NEIL1: variants seen among roughly 807,000 people sequenced by gnomAD.
NEIL1 encodes the protein endonuclease 8-like 1.
Under a neutral mutation model 44.2 loss-of-function variants are expected in NEIL1, and 31 were observed. The observed-to-expected ratio is 0.70, with a 90% CI of 0.53 to 0.95. The LOEUF is 0.95. Ranked by LOEUF, NEIL1 falls within the 40% of genes least tolerant of loss-of-function variation. The pLI is 0.00. For missense variants in NEIL1, 549 were observed against 515.5 expected (o/e 1.07, Z -0.63); for synonymous variants, 254 against 209.7 (o/e 1.21, Z -1.83).
At chr15:75,354,602 C>T (rs780675217) in intron 8 of NEIL1, 51 bp from the exon 9 acceptor site, 2 of 1,613,470 alleles carry the variant, frequency 1.2e-6, no homozygotes, top group East Asian at 2.2e-5. Flanking sequence ...CCCTAACCAA[C>T]CTCTGAACTG....
In NEIL1 at chr15:75,356,187, GACC is replaced by G. The variant is rs771585209; in HGVS notation, c.*1155_*1157del. ...TGCCGTGGGCCTCATACAGCCTCAGGACCAGCGAGCGGCGCTGGGGGCTGCTCT... is the reference window on the plus strand; with the variant it reads ...TGCCGTGGGCCTCATACAGCCTCAGGAGCGAGCGGCGCTGGGGGCTGCTCT... On this transcript the variant is annotated 3_prime_UTR_variant, in exon 10 of 10. Transcript: ENST00000355059. This position sits in a 1 kb window ranked among gnomAD's most constrained non-coding sequence, Gnocchi z 5.8. 1 of 1,613,500 alleles carries G rather than the reference GACC, an allele frequency of 6.2e-7. No individual in the cohort carries two copies. Among genetic ancestry groups the G allele is most frequent in the Admixed American group, 1.7e-5 (1 of 60,002 alleles).
chr15:75,356,099 C>T lies in NEIL1; in HGVS notation c.*1065C>T. The stretch of plus-strand genomic sequence containing the variant: ...ACTCGACCCCCGCCCCAATCCCACA[C>T]CGCCACTCACAGGATGGCCTCCTGA... On this transcript the variant is annotated 3_prime_UTR_variant, in exon 10 of 10. Transcript: ENST00000355059. The surrounding 1 kb of genome is among the most constrained non-coding windows in gnomAD (Gnocchi z 5.8). 1 of 1,613,878 alleles carries T rather than the reference C, an allele frequency of 6.2e-7. No individual in the cohort carries two copies. The highest frequency in any genetic ancestry group is 8.5e-7 in the Non-Finnish European group (1 of 1,179,948).
intron 1 of NEIL1, chr15:75,347,823 C>T (rs1383118508): frequency 1.7e-6 from 2 of 1,158,056 alleles, no homozygotes; most frequent in African/African-American, 3.2e-5. Context: ...CGCCGCTCCT[C>T]CCCAAAACTA....
chr15:75,350,503 G>C (rs531365396), intron 2 of NEIL1, among the ~76,000 whole-genome samples: 1 of 152,274 alleles, frequency 6.6e-6, no homozygotes, highest in South Asian at 2.1e-4. Flanking sequence ...GAAGGCATTG[G>C]AACTGGCAAG....
rs765755581 is a variant in NEIL1, at chr15:75,352,605, C to T, written c.622C>T (p.Pro208Ser). Residue 208 changes from proline (P) to serine (S), a missense_variant, in exon 5 of 10, where the codon CCG becomes TCG. Coordinates refer to ENST00000355059, the MANE Select transcript of NEIL1 (RefSeq NM_024608.4). ...CCTGCCCCTGCCCCTTCCTCAGAGC[C>T]CGGAGCTGACCCTGAGCCAGAAGAT... is the stretch of plus-strand genomic sequence containing the variant. ...LEALQQHRPSPELTLSQKIRT... is the reference protein window; with the variant it reads ...LEALQQHRPSSELTLSQKIRT... 7.9e-5 allele frequency: 128 copies of T among 1,612,694 alleles called. No individual in the cohort carries two copies. Among genetic ancestry groups the T allele is most frequent in the Non-Finnish European group, 1.1e-4 (124 of 1,179,484 alleles).
intron 1 of NEIL1, 162 bp from the exon 2 acceptor site, chr15:75,348,722 G>C (rs1038482926): frequency 6.9e-5 from 99 of 1,435,314 alleles, no homozygotes; most frequent in Non-Finnish European, 9.0e-5. Context: ...GCACCTGTCC[G>C]GGTAGGGGAT....
rs202029676 is a variant in NEIL1 at position 75,356,818 on chromosome 15, G to A, written c.*1784G>A. The A allele has an allele frequency of 1.4e-5, 22 of 1,614,042 alleles. No homozygotes were observed. Among genetic ancestry groups the A allele is most frequent in the East Asian group, 1.3e-4 (6 of 44,876 alleles). Reference sequence around the variant, plus strand: ...AGCGAGAGGCTGAGGATGCTGCCTCGCACTGACGCGCCATACTTGCAGTCG... The same window carrying A: ...AGCGAGAGGCTGAGGATGCTGCCTCACACTGACGCGCCATACTTGCAGTCG... On this transcript the variant is annotated 3_prime_UTR_variant, in exon 10 of 10. Coordinates refer to ENST00000355059, the MANE Select transcript of NEIL1 (RefSeq NM_024608.4). The surrounding 1 kb of genome is among the most constrained non-coding windows in gnomAD (Gnocchi z 5.8).
intron 5 of NEIL1, 85 bp from the exon 6 acceptor site, chr15:75,353,654 A>T (rs764080703): frequency 7.1e-7 from 1 of 1,407,760 alleles, no homozygotes; most frequent in Non-Finnish European, 1.0e-6. Flanking sequence ...TGTGTAGCTG[A>T]GGTCTGGGCC....
intron 2 of NEIL1, 51 bp downstream of exon 2, chr15:75,349,390 C>T: frequency 6.6e-7 from 1 of 1,518,248 alleles, no homozygotes; most frequent in East Asian, 2.3e-5. Context: ...CCACACCTGA[C>T]TCTCTTAGTG....
At chr15:75,348,658 G>A (rs2071629997) in intron 1 of NEIL1, 3 of 1,405,934 alleles carry the variant, frequency 2.1e-6, no homozygotes, top group Non-Finnish European at 2.8e-6. Context: ...TTAGCAGCAA[G>A]GCAGAGTCCT....
rs775311627 is a variant in NEIL1, at chr15:75,353,784, C to A, written c.764C>A (p.Ala255Asp). 18 of 1,613,982 alleles carry A rather than the reference C, an allele frequency of 1.1e-5. No homozygotes were observed. The highest frequency in any genetic ancestry group is 1.7e-5 in the Admixed American group (1 of 60,002). Residue 255 changes from alanine (A) to aspartate (D), a missense_variant, in exon 6 of 10, where the codon GCC becomes GAC. Ala to Asp is a moderately radical substitution (Grantham distance 126). Transcript: ENST00000355059. ...GAGAGCGGGGAGGAGGACTTTGCTG[C>A]CTTTCGAGCCTGGCTGCGCTGCTAT... ...GSESGEEDFA[A>D]FRAWLRCYGM... is the part of the protein sequence containing the mutation.
At chr15:75,349,966 A>C (rs576042609) in intron 2 of NEIL1, among the ~76,000 whole-genome samples, 1 of 152,280 alleles carries the variant, frequency 6.6e-6, no homozygotes, top group East Asian at 1.9e-4. Flanking sequence ...GGCTCCCAGG[A>C]GGCTAAGAAG....
intron 2 of NEIL1, among the ~76,000 whole-genome samples, chr15:75,350,344 G>T (rs1316575009): frequency 6.6e-6 from 1 of 152,222 alleles, no homozygotes; most frequent in Admixed American, 6.5e-5. Flanking sequence ...ACATAGGATA[G>T]GGGAATGAGA....
chr15:75,348,046 C>T (rs1189053507), intron 1 of NEIL1: 1 of 1,103,258 alleles, frequency 9.1e-7, no homozygotes, highest in African/African-American at 1.7e-5. Flanking sequence ...CGATACCCCC[C>T]ACCCCAGGGA....
At chr15:75,347,693 T>TG (rs1219827897) in intron 1 of NEIL1, 4 of 491,512 alleles carry the variant, frequency 8.1e-6, no homozygotes, top group South Asian at 4.9e-5. Context: ...GATCGGGTTG[T>TG]GGGGGGTGCG....
chr15:75,348,048 C>T (rs750447601), intron 1 of NEIL1: 106 of 1,091,756 alleles, frequency 9.7e-5, no homozygotes, highest in Non-Finnish European at 1.2e-4. Flanking sequence ...ATACCCCCCA[C>T]CCCAGGGACC....
Position 75,356,630 on chromosome 15 carries a change from T to G in NEIL1, c.*1596T>G, listed in dbSNP as rs1195048921. The G allele has an allele frequency of 6.4e-7, 1 of 1,566,540 alleles. No homozygotes were observed. Among genetic ancestry groups the G allele is most frequent in the Non-Finnish European group, 8.6e-7 (1 of 1,156,098 alleles). ...CCCTTGTGCGGCATCAGTGCATAGG[T>G]GAACTCGTGGCGCCCCGTGTCAGCA... On this transcript the variant is annotated 3_prime_UTR_variant, in exon 10 of 10. Coordinates refer to ENST00000355059, the MANE Select transcript of NEIL1 (RefSeq NM_024608.4). The surrounding 1 kb of genome is among the most constrained non-coding windows in gnomAD (Gnocchi z 5.8).
In NEIL1 at chr15:75,348,682, C is replaced by T. The variant is rs556206959; in HGVS notation, c.-22-202C>T. On this transcript the variant is annotated intron_variant, in intron 1 of 9. Transcript: ENST00000355059. ...AGGCAGAGTCCTGCTCCCTCTGCAG[C>T]CCCAGCTCCCAGCGCCCTGGGCTTT... 43 of 1,427,772 alleles carry T rather than the reference C, an allele frequency of 3.0e-5. 1 individual carries two copies. In the South Asian group the frequency reaches 6.1e-4, roughly 20 times the overall value. 88.4% of individuals were successfully genotyped at this position (1,427,772 alleles called of 1,614,324 possible).
chr15:75,354,565 C>T (rs574317685), intron 8 of NEIL1, 73 bp downstream of exon 8: 1 of 1,613,008 alleles, frequency 6.2e-7, no homozygotes, highest in South Asian at 1.1e-5. Context: ...AGCTGCCTTA[C>T]CCTAAGAGGG....
Sources: gnomAD v4.1 joint callset for allele counts (sites outside exome capture counted in the v4.1 genomes callset) on GRCh38, gnomAD v4.1.1 for gene constraint, Gnocchi (gnomAD v3.1) non-coding constraint, MANE v1.5 for transcripts, NCBI Gene and HGNC (gene_info 2026-07-23, HGNC 2026-07-21) for gene names.